The following ZNF148 variants were observed in gnomAD, a reference collection of about 807,000 sequenced individuals.
ZNF148 encodes zinc finger protein 148, also known as Beta-Enolase Repressor Factor-1.
A neutral mutation model predicts 67.7 loss-of-function variants in ZNF148; 7 were observed. That is an observed-to-expected ratio of 0.10 (90% CI 0.06 to 0.19). ZNF148 has a LOEUF of 0.19. Ranked by LOEUF, ZNF148 falls within the 10% of genes least tolerant of loss-of-function variation. The pLI is 1.00. For missense variants in ZNF148, 583 were observed against 947.1 expected (o/e 0.62, Z 5.05); for synonymous variants, 333 against 330.7 (o/e 1.01, Z -0.08).
intron 1 of ZNF148, among the ~76,000 whole-genome samples, chr3:125,368,947 A>AAAAC (rs111789209): frequency 0.76 from 112,379 of 147,856 alleles, 43,168 homozygotes; most frequent in Middle Eastern, 0.83. Flanking sequence ...TCCATCTCAA[A>AAAAC]AAACAAACAA....
chr3:125,370,063 T>C (rs751617901), intron 1 of ZNF148, among the ~76,000 whole-genome samples: 9 of 151,880 alleles, frequency 5.9e-5, no homozygotes, highest in Admixed American at 1.3e-4. Context: ...AAAAAAGAAT[T>C]AAATCAGACA....
intron 7 of ZNF148, among the ~76,000 whole-genome samples, chr3:125,241,808 T>C (rs1027623590): frequency 1.3e-5 from 2 of 152,260 alleles, no homozygotes; most frequent in Admixed American, 6.5e-5. Flanking sequence ...CATATGTTCA[T>C]GATTTTGAAA....
chr3:125,340,701 T>C (rs931159698), intron 1 of ZNF148, among the ~76,000 whole-genome samples: 7 of 152,174 alleles, frequency 4.6e-5, no homozygotes, highest in Non-Finnish European at 1.0e-4. Context: ...AAAATGTCCA[T>C]GATGGCCGGG....
intron 7 of ZNF148, among the ~76,000 whole-genome samples, chr3:125,271,272 T>G (rs1937716712): frequency 6.6e-6 from 1 of 152,118 alleles, no homozygotes; most frequent in Non-Finnish European, 1.5e-5. Context: ...TCACCCCCAC[T>G]CTCCCCGTCC....
intron 2 of ZNF148, among the ~76,000 whole-genome samples, chr3:125,327,384 C>A (rs1941076959): frequency 6.6e-6 from 1 of 152,158 alleles, no homozygotes; most frequent in Non-Finnish European, 1.5e-5. Context: ...ACACTATCAA[C>A]CAACTATACC....
At chr3:125,371,310 C>T (rs1442859295) in intron 1 of ZNF148, among the ~76,000 whole-genome samples, 1 of 129,054 alleles carries the variant, frequency 7.7e-6, no homozygotes, top group Non-Finnish European at 1.5e-5. Flanking sequence ...GAGCTGGGAA[C>T]ATGCGCACTG....
intron 2 of ZNF148, among the ~76,000 whole-genome samples, chr3:125,330,889 C>G (rs921838147): frequency 1.1e-4 from 17 of 151,660 alleles, no homozygotes; most frequent in Non-Finnish European, 1.8e-4. Flanking sequence ...GGAAATGAGG[C>G]CTAAAAGATA....
intron 3 of ZNF148, chr3:125,315,107 C>T (rs1011220903): frequency 6.6e-6 from 1 of 152,050 alleles, no homozygotes; most frequent in African/African-American, 2.4e-5. Flanking sequence ...ACATACATCA[C>T]CAAATAGCTG....
At chr3:125,374,177 C>G (rs1269721328) in intron 1 of ZNF148, among the ~76,000 whole-genome samples, 1 of 152,138 alleles carries the variant, frequency 6.6e-6, no homozygotes, top group Non-Finnish European at 1.5e-5. Context: ...AAACTACAGA[C>G]TAAAATCTAA....
chr3:125,299,801 G>A (rs1342382968), intron 4 of ZNF148, among the ~76,000 whole-genome samples: 1 of 152,180 alleles, frequency 6.6e-6, no homozygotes, highest in Non-Finnish European at 1.5e-5. Flanking sequence ...AATGATTGCT[G>A]TTAGATAATA....
At chr3:125,264,992 C>T (rs1478802046) in intron 7 of ZNF148, among the ~76,000 whole-genome samples, 1 of 152,168 alleles carries the variant, frequency 6.6e-6, no homozygotes, top group Non-Finnish European at 1.5e-5. Flanking sequence ...GTAGCTTTAA[C>T]TCTCAGTTCA....
At chr3:125,374,594 G>A (rs1407145714) in intron 1 of ZNF148, among the ~76,000 whole-genome samples, 1 of 151,532 alleles carries the variant, frequency 6.6e-6, no homozygotes, top group Non-Finnish European at 1.5e-5. Context: ...CGCCCTGTTC[G>A]CACTCCCACT....
intron 7 of ZNF148, among the ~76,000 whole-genome samples, chr3:125,244,853 T>C (rs1936527077): frequency 6.6e-6 from 1 of 152,076 alleles, no homozygotes; most frequent in Non-Finnish European, 1.5e-5. Context: ...TCCCTTTCTT[T>C]TTCTTGAAAC....
At chr3:125,297,091 T>C (rs1939323598) in intron 4 of ZNF148, among the ~76,000 whole-genome samples, 1 of 151,202 alleles carries the variant, frequency 6.6e-6, no homozygotes, top group Admixed American at 6.6e-5. Flanking sequence ...CTTAAAAAGA[T>C]ATTAAATCTA....
intron 2 of ZNF148, among the ~76,000 whole-genome samples, chr3:125,326,612 T>C (rs1289820250): frequency 6.7e-6 from 1 of 150,036 alleles, no homozygotes; most frequent in Non-Finnish European, 1.5e-5. Context: ...CAAAGATACA[T>C]ATATATATAA....
intron 4 of ZNF148, among the ~76,000 whole-genome samples, chr3:125,296,155 T>G (rs1420667817): frequency 6.6e-6 from 1 of 150,986 alleles, no homozygotes; most frequent in Non-Finnish European, 1.5e-5. Flanking sequence ...AGAGTCTCGC[T>G]CTATCACCCA....
At chr3:125,342,434 T>A (rs1488668695) in intron 1 of ZNF148, among the ~76,000 whole-genome samples, 1 of 151,250 alleles carries the variant, frequency 6.6e-6, no homozygotes, top group Non-Finnish European at 1.5e-5. Flanking sequence ...TGACACCAGA[T>A]TTCTCATCTC....
intron 7 of ZNF148, among the ~76,000 whole-genome samples, chr3:125,274,880 G>A (rs575476340): frequency 2.0e-5 from 3 of 152,234 alleles, no homozygotes; most frequent in African/African-American, 7.2e-5. Flanking sequence ...CTTTTTTAAT[G>A]CCGTAACTAT....
chr3:125,256,736 AT>A (rs1247999913), intron 7 of ZNF148, among the ~76,000 whole-genome samples: 1 of 152,146 alleles, frequency 6.6e-6, no homozygotes, highest in Non-Finnish European at 1.5e-5. Flanking sequence ...CATCCATTCT[AT>A]GCAGTAAATT....
Sources: gnomAD v4.1 joint callset for allele counts (sites outside exome capture counted in the v4.1 genomes callset) on GRCh38, gnomAD v4.1.1 for gene constraint, MANE v1.5 for transcripts, NCBI Gene and HGNC (gene_info 2026-07-23, HGNC 2026-07-21) for gene names.